SPIN1: variants seen among roughly 807,000 people sequenced by gnomAD.
The protein encoded by SPIN1 is spindlin 1, also known as spindlin-1.
A neutral mutation model predicts 26.0 loss-of-function variants in SPIN1; 3 were observed. The observed-to-expected ratio is 0.12, with a 90% CI of 0.05 to 0.30. The LOEUF (loss-of-function observed/expected upper bound fraction) is 0.30, where lower values mean the gene tolerates loss of function less well. Ranked by LOEUF, SPIN1 falls within the 10% of genes least tolerant of loss-of-function variation. The pLI, the probability that SPIN1 is intolerant of heterozygous loss-of-function variation, is 1.00. For synonymous variants in SPIN1, 101 were observed against 116.5 expected (o/e 0.87, Z 0.86); for missense variants, 126 against 333.4 (o/e 0.38, Z 4.84).
intron 3 of SPIN1, among the ~76,000 whole-genome samples, chr9:88,459,104 A>C (rs1828528534): frequency 6.6e-6 from 1 of 152,214 alleles, no homozygotes; most frequent in South Asian, 2.1e-4. Flanking sequence ...GTAAATTACA[A>C]AATGGGACAC....
chr9:88,427,684 C>T (rs1441648800), intron 2 of SPIN1, among the ~76,000 whole-genome samples: 1 of 151,862 alleles, frequency 6.6e-6, no homozygotes, highest in Non-Finnish European at 1.5e-5. Flanking sequence ...GCAGCCTCTG[C>T]CTCCTGGGTT....
chr9:88,476,649 TTA>T lies in SPIN1; in HGVS notation c.*1374_*1375del, dbSNP rs912597586. 3 of 152,142 alleles carry T rather than the reference TTA, an allele frequency of 2.0e-5. No homozygotes were observed. Among genetic ancestry groups the T allele is most frequent in the African/African-American group, 7.2e-5 (3 of 41,428 alleles). 9.4% of individuals were successfully genotyped at this position (152,142 alleles called of 1,614,324 possible). On this transcript the variant is annotated 3_prime_UTR_variant, in exon 6 of 6. Coordinates refer to ENST00000375859, the MANE Select transcript of SPIN1 (RefSeq NM_006717.3). Reference sequence around the variant, plus strand: ...ATAGCAGCCCTTAGCCACGGAGTCTTTATGTGGTTTATTCCTGCAAGGTTGTT... The same window carrying T: ...ATAGCAGCCCTTAGCCACGGAGTCTTTGTGGTTTATTCCTGCAAGGTTGTT...
At chr9:88,388,819 G>A (rs1564018073) in intron 1 of SPIN1, among the ~76,000 whole-genome samples, 1 of 150,596 alleles carries the variant, frequency 6.6e-6, no homozygotes, top group East Asian at 2.0e-4. Context: ...CAACATGGCC[G>A]CCACCCTCTC....
At chr9:88,410,584 C>G in intron 1 of SPIN1, 1 of 856,612 alleles carries the variant, frequency 1.2e-6, no homozygotes, top group Non-Finnish European at 2.0e-6. Context: ...ACCATAGTAG[C>G]CACCGTGGTT....
chr9:88,461,923 C>G (rs182432488), intron 3 of SPIN1, among the ~76,000 whole-genome samples: 8 of 152,126 alleles, frequency 5.3e-5, no homozygotes, highest in Admixed American at 5.2e-4. Context: ...AGTAATGTTT[C>G]TATAGTGCAT....
chr9:88,444,338 T>A (rs1828201067), intron 2 of SPIN1, among the ~76,000 whole-genome samples: 1 of 150,290 alleles, frequency 6.7e-6, no homozygotes, highest in Admixed American at 6.6e-5. Context: ...CCTCCCGGGT[T>A]CCTGCCATTC....
rs563478832 is a variant in SPIN1, at chr9:88,455,616, G to A, written c.101+6627G>A. Among the ~76,000 whole-genome samples, 97 of 152,200 alleles carry A rather than the reference G, an allele frequency of 6.4e-4. 1 individual carries two copies. The highest frequency in any genetic ancestry group is 6.6e-4 in the Non-Finnish European group (45 of 68,002). ...TATATTTTAAAAAACTTTTTCCTAC[G>A]TACCTGTAAGGATTGTGTATAAAAA... is the stretch of plus-strand genomic sequence containing the variant. On this transcript the variant is annotated intron_variant, in intron 3 of 5. Transcript: ENST00000375859.
chr9:88,474,475 G>T (rs903877119), intron 5 of SPIN1, among the ~76,000 whole-genome samples: 1 of 152,102 alleles, frequency 6.6e-6, no homozygotes, highest in Non-Finnish European at 1.5e-5. Context: ...AATTTTTAAA[G>T]CATGGAAAGC....
intron 2 of SPIN1, among the ~76,000 whole-genome samples, chr9:88,431,289 TC>T (rs1343891092): frequency 6.8e-6 from 1 of 147,164 alleles, no homozygotes; most frequent in African/African-American, 2.7e-5. Context: ...TCTCTCTCTC[TC>T]TTTTTTTTTT....
chr9:88,396,067 CA>C (rs1224261847), intron 1 of SPIN1, among the ~76,000 whole-genome samples: 2 of 148,914 alleles, frequency 1.3e-5, no homozygotes, highest in South Asian at 2.1e-4. Context: ...GCAACAACAA[CA>C]AAAAAACCCG....
chr9:88,445,257 G>C (rs1460485697), intron 2 of SPIN1, among the ~76,000 whole-genome samples: 1 of 151,890 alleles, frequency 6.6e-6, no homozygotes, highest in Non-Finnish European at 1.5e-5. Flanking sequence ...TCTAAGCCCA[G>C]ACATGCTCCA....
In SPIN1 at chr9:88,430,303, C is replaced by G. The variant is rs117595471; in HGVS notation, c.52+3712C>G. On this transcript the variant is annotated intron_variant, in intron 2 of 5. Transcript: ENST00000375859. ...TAGCCACCCGGCCTCCTGGGCATCTCTTTTCTTATGGGGACCTTTACATGG... is the reference window on the plus strand; with the variant it reads ...TAGCCACCCGGCCTCCTGGGCATCTGTTTTCTTATGGGGACCTTTACATGG... Among the ~76,000 whole-genome samples, 1,028 of 152,294 alleles carry G rather than the reference C, an allele frequency of 6.8e-3. 4 individuals are homozygous for G. Among genetic ancestry groups the G allele is most frequent in the Non-Finnish European group, 9.1e-3 (617 of 68,030 alleles).
chr9:88,409,763 A>C (rs1431457556), intron 1 of SPIN1, among the ~76,000 whole-genome samples: 1 of 151,666 alleles, frequency 6.6e-6, no homozygotes, highest in Non-Finnish European at 1.5e-5. Flanking sequence ...GTGTGAACCC[A>C]GGAGGCGGAG....
At chr9:88,424,008 T>C (rs2118013995) in intron 1 of SPIN1, among the ~76,000 whole-genome samples, 1 of 152,318 alleles carries the variant, frequency 6.6e-6, no homozygotes. Context: ...GCTCAAGTGA[T>C]CTGCCTACTT....
At chr9:88,435,814 C>A (rs1827989014) in intron 2 of SPIN1, among the ~76,000 whole-genome samples, 1 of 152,154 alleles carries the variant, frequency 6.6e-6, no homozygotes, top group African/African-American at 2.4e-5. Flanking sequence ...CTGTATGGGT[C>A]TGTCAGCCTA....
chr9:88,463,094 AAAGAT>A (rs1314067689), intron 4 of SPIN1, among the ~76,000 whole-genome samples: 1 of 152,232 alleles, frequency 6.6e-6, no homozygotes, highest in Non-Finnish European at 1.5e-5. Flanking sequence ...ATCAGATACA[AAAGAT>A]AAGAGAATGC....
chr9:88,445,542 A>ATTG, intron 2 of SPIN1, among the ~76,000 whole-genome samples: 1 of 146,314 alleles, frequency 6.8e-6, no homozygotes, highest in East Asian at 2.0e-4. Context: ...TATTATTATT[A>ATTG]TTATTATTAT....
chr9:88,445,667 A>G (rs1828236594), intron 2 of SPIN1, among the ~76,000 whole-genome samples: 1 of 150,968 alleles, frequency 6.6e-6, no homozygotes, highest in Non-Finnish European at 1.5e-5. Context: ...CTTAGCCAGA[A>G]TTACAGACGC....
At chr9:88,407,617 C>G (rs1827337110) in intron 1 of SPIN1, among the ~76,000 whole-genome samples, 1 of 151,450 alleles carries the variant, frequency 6.6e-6, no homozygotes, top group East Asian at 2.0e-4. Context: ...TCGAGACCAG[C>G]CTGGGCAACA....
Sources: gnomAD v4.1 joint callset for allele counts (sites outside exome capture counted in the v4.1 genomes callset) on GRCh38, gnomAD v4.1.1 for gene constraint, MANE v1.5 for transcripts, NCBI Gene and HGNC (gene_info 2026-07-23, HGNC 2026-07-21) for gene names.